Variants in KDM4B observed in about 807,000 individuals in gnomAD.
KDM4B encodes lysine demethylase 4B.
Under a neutral mutation model 125.2 loss-of-function variants are expected in KDM4B, and 32 were observed. The observed-to-expected ratio is 0.26, with a 90% CI of 0.19 to 0.34. The LOEUF is 0.34. KDM4B is among the 10% of genes least tolerant of loss of function. KDM4B has a pLI of 1.00. For missense variants in KDM4B, 1,190 were observed against 1,577.7 expected (o/e 0.75, Z 4.16); for synonymous variants, 721 against 677.9 (o/e 1.06, Z -0.99).
At chr19:5,033,178 C>A in intron 3 of KDM4B, 147 bp downstream of exon 3, 2 of 959,186 alleles carry the variant, frequency 2.1e-6, no homozygotes, top group South Asian at 1.6e-5. Flanking sequence ...CGTTTACCAG[C>A]GCCTGTTTGT....
chr19:5,048,843 G>C (rs1255781277), intron 6 of KDM4B, among the ~76,000 whole-genome samples: 3 of 152,208 alleles, frequency 2.0e-5, no homozygotes, highest in Admixed American at 6.5e-5. Context: ...CCTGTGCAGA[G>C]AGCCCCTGTG....
chr19:5,145,026 G>T lies in KDM4B; in HGVS notation c.3021+124G>T, dbSNP rs1183439850. 8.7e-6 allele frequency: 11 copies of T among 1,263,106 alleles called. No individual in the cohort carries two copies. In the Admixed American group the frequency reaches 2.0e-4, roughly 23 times the overall value. The allele number at this position is 1,263,106 out of a possible 1,614,324, so 78.2% of individuals were successfully genotyped here. A position where few individuals can be genotyped will look rare whatever the true frequency, so the allele number is the denominator to read the frequency against. On this transcript the variant is annotated intron_variant, in intron 21 of 22. Coordinates refer to ENST00000159111, the MANE Select transcript of KDM4B (RefSeq NM_015015.3). ...TGGGGCACTGGCGGGTGTGGGCCAT[G>T]GTTAGTGAGGCCCGCAGGACCCAGC...
chr19:5,129,605 TAGC>T (rs1330259335), intron 11 of KDM4B, among the ~76,000 whole-genome samples: 3 of 152,254 alleles, frequency 2.0e-5, no homozygotes, highest in African/African-American at 7.2e-5. Context: ...GGTGAAATGT[TAGC>T]AGTGACCAGT....
At chr19:5,028,195 T>C (rs2036341385) in intron 2 of KDM4B, among the ~76,000 whole-genome samples, 1 of 152,104 alleles carries the variant, frequency 6.6e-6, no homozygotes, top group Admixed American at 6.6e-5. Context: ...TAGGCTGGTC[T>C]CGAACTCCTG....
At chr19:5,119,936 G>T in intron 11 of KDM4B, 84 bp downstream of exon 11, 1 of 1,445,270 alleles carries the variant, frequency 6.9e-7, no homozygotes, top group Non-Finnish European at 9.2e-7. Context: ...GCCTGCTACA[G>T]CCAGAGTCCC....
chr19:5,032,479 C>T (rs1449390214), intron 2 of KDM4B, among the ~76,000 whole-genome samples: 1 of 152,212 alleles, frequency 6.6e-6, no homozygotes, highest in Non-Finnish European at 1.5e-5. Context: ...CCCGCAGATG[C>T]CGCGGTCTCT....
intron 1 of KDM4B, among the ~76,000 whole-genome samples, chr19:4,988,387 T>TG (rs2034917472): frequency 1.3e-5 from 2 of 152,300 alleles, no homozygotes; most frequent in South Asian, 2.1e-4. Flanking sequence ...GCCATTCTCC[T>TG]GCCTCAGCCT....
Position 5,135,514 on chromosome 19 carries a change from C to G in KDM4B, c.2261C>G (p.Thr754Ser). ...AACTCCTACATCGGCGACGACGGGA[C>G]CAGCCCCCTGATCGCCTGCGGCAAG... ...PANSYIGDDGTSPLIACGKCC... is the reference protein window; with the variant it reads ...PANSYIGDDGSSPLIACGKCC... Residue 754 changes from threonine to serine, a missense_variant, in exon 15 of 23, where the codon ACC becomes AGC. This residue lies in a region of KDM4B where 298 missense variants were observed against 439.7 expected (regional missense o/e 0.68). Transcript: ENST00000159111. 1 of 1,610,840 alleles carries G rather than the reference C, an allele frequency of 6.2e-7. No individual in the cohort carries two copies. The highest frequency in any genetic ancestry group is 8.5e-7 in the Non-Finnish European group (1 of 1,179,262).
At chr19:5,020,463 G>A (rs34009962) in intron 2 of KDM4B, among the ~76,000 whole-genome samples, 33,420 of 152,096 alleles carry the variant, frequency 0.22, 4,092 homozygotes, top group Middle Eastern at 0.39. Flanking sequence ...TCGCCTGCCC[G>A]TCTCCACGGC....
chr19:5,012,676 C>T (rs552055373), intron 1 of KDM4B, among the ~76,000 whole-genome samples: 33 of 152,226 alleles, frequency 2.2e-4, no homozygotes, highest in African/African-American at 7.0e-4. Context: ...GGCTGGCACG[C>T]GGTGGAGGCT....
intron 9 of KDM4B, among the ~76,000 whole-genome samples, chr19:5,106,761 AG>A (rs929541923): frequency 3.3e-5 from 5 of 152,066 alleles, no homozygotes; most frequent in Admixed American, 1.3e-4. Context: ...GGGCACCAAG[AG>A]GGGGGGCCTT....
chr19:5,109,927 A>G (rs2145982390), intron 9 of KDM4B, among the ~76,000 whole-genome samples: 2 of 152,138 alleles, frequency 1.3e-5, no homozygotes, highest in Admixed American at 1.3e-4. Flanking sequence ...ATTTTTACCT[A>G]CCTGGGGGCA....
intron 11 of KDM4B, among the ~76,000 whole-genome samples, chr19:5,121,239 G>C (rs1481140467): frequency 6.6e-6 from 1 of 152,188 alleles, no homozygotes. Flanking sequence ...ATCCCTGGGG[G>C]AAAGAGCAGA....
intron 1 of KDM4B, among the ~76,000 whole-genome samples, chr19:4,981,715 A>G (rs1438375083): frequency 6.6e-6 from 1 of 151,962 alleles, no homozygotes; most frequent in African/African-American, 2.4e-5. Context: ...GCCAAGCCCC[A>G]CCTCTTCCCA....
At chr19:4,973,867 T>C (rs9676981) in intron 1 of KDM4B, among the ~76,000 whole-genome samples, 57,819 of 149,694 alleles carry the variant, frequency 0.39, 11,683 homozygotes, top group East Asian at 0.73. Flanking sequence ...CGGTGGCTCA[T>C]GCCTGTAATC....
chr19:5,098,006 G>C (rs939376698), intron 9 of KDM4B, among the ~76,000 whole-genome samples: 4 of 152,222 alleles, frequency 2.6e-5, no homozygotes, highest in African/African-American at 4.8e-5. Context: ...GTTTCTGCAT[G>C]TTTGCCCGAG....
chr19:5,085,094 G>A (rs2038448165), intron 9 of KDM4B, among the ~76,000 whole-genome samples: 1 of 152,160 alleles, frequency 6.6e-6, no homozygotes, highest in South Asian at 2.1e-4. Flanking sequence ...ACGCCGGTCT[G>A]GACGAATGAG....
chr19:5,017,947 A>G (rs942604736), intron 2 of KDM4B, among the ~76,000 whole-genome samples: 17 of 151,954 alleles, frequency 1.1e-4, no homozygotes, highest in African/African-American at 4.1e-4. Context: ...TCACCGTGTT[A>G]GCCAGGATGG....
chr19:5,067,494 C>A (rs149954021), intron 6 of KDM4B, among the ~76,000 whole-genome samples: 1 of 152,298 alleles, frequency 6.6e-6, no homozygotes, highest in East Asian at 1.9e-4. Context: ...GGGAGGGACA[C>A]GTACAATGAC....
Sources: gnomAD v4.1 joint callset for allele counts (sites outside exome capture counted in the v4.1 genomes callset) on GRCh38, gnomAD v4.1.1 for gene constraint, gnomAD v4.1.1 regional missense constraint, MANE v1.5 for transcripts, NCBI Gene and HGNC (gene_info 2026-07-23, HGNC 2026-07-21) for gene names.